The following SLC16A9 variants were observed in gnomAD, a reference collection of about 807,000 sequenced individuals.
SLC16A9 encodes the protein monocarboxylate transporter 9.
SLC16A9 carries 26 observed loss-of-function variants against 44.3 expected under a neutral mutation model. The ratio of observed to expected loss-of-function variants is 0.59; its 90% confidence interval spans 0.43 to 0.81. The LOEUF (loss-of-function observed/expected upper bound fraction) is 0.81. Among genes scored for constraint, SLC16A9 ranks in the 40% least tolerant of loss-of-function variants. The pLI, the probability that SLC16A9 is intolerant of heterozygous loss-of-function variation, is 0.00. For missense variants in SLC16A9, 559 were observed against 595.8 expected, an observed-to-expected ratio of 0.94 and a Z score of 0.64; for synonymous variants, 230 against 225.1, an observed-to-expected ratio of 1.02 and a Z score of -0.19.
intron 1 of SLC16A9, among the ~76,000 whole-genome samples, chr10:59,692,174 G>T (rs907907552): frequency 6.6e-6 from 1 of 152,182 alleles, no homozygotes; most frequent in Non-Finnish European, 1.5e-5. Context: ...AGAATCCTGT[G>T]ACTTTATCTT....
At position 59,651,279 on chromosome 10, in the gene SLC16A9, T is replaced by A. The variant is rs998452244; in HGVS notation, c.*1493A>T. The stretch of plus-strand genomic sequence containing the variant: ...GCAACATACAAGTATAAAATAATCA[T>A]ACAAATTTCAAAATAAATGAAAAGA... On this transcript the variant is annotated 3_prime_UTR_variant, in exon 6 of 6. Coordinates refer to ENST00000395348, the MANE Select transcript of SLC16A9 (RefSeq NM_194298.3). 4 of 152,196 alleles carry A rather than the reference T, an allele frequency of 2.6e-5. No homozygotes were observed. The highest frequency in any genetic ancestry group is 4.4e-5 in the Non-Finnish European group (3 of 68,026). The allele number at this position is 152,196 out of a possible 1,614,324, so 9.4% of individuals were successfully genotyped here. A position where few individuals can be genotyped will look rare whatever the true frequency, so the allele number is the denominator to read the frequency against.
intron 4 of SLC16A9, among the ~76,000 whole-genome samples, chr10:59,655,294 A>C (rs1460204390): frequency 2.0e-5 from 3 of 152,234 alleles, no homozygotes; most frequent in Non-Finnish European, 4.4e-5. Flanking sequence ...GTCTCAAACA[A>C]GCAAACAAAC....
chr10:59,662,355 G>A (rs1839495158), intron 4 of SLC16A9, among the ~76,000 whole-genome samples: 1 of 151,192 alleles, frequency 6.6e-6, no homozygotes, highest in Non-Finnish European at 1.5e-5. Flanking sequence ...GAAGACATCT[G>A]GCCAGGCACA....
chr10:59,693,734 C>A (rs1040460308), intron 1 of SLC16A9, among the ~76,000 whole-genome samples: 1 of 150,984 alleles, frequency 6.6e-6, no homozygotes, highest in African/African-American at 2.4e-5. Flanking sequence ...ATTCTCCTGC[C>A]GCAGCCTCCC....
chr10:59,676,885 T>C (rs1227023164), intron 2 of SLC16A9, among the ~76,000 whole-genome samples: 1 of 146,522 alleles, frequency 6.8e-6, no homozygotes, highest in African/African-American at 2.6e-5. Flanking sequence ...ATCACGCCAC[T>C]GTGCTCCAGC....
intron 1 of SLC16A9, among the ~76,000 whole-genome samples, chr10:59,703,663 C>A (rs1008912270): frequency 6.6e-6 from 1 of 151,838 alleles, no homozygotes; most frequent in African/African-American, 2.4e-5. Context: ...TTTCGTTTGG[C>A]GGACTCAATG....
At position 59,650,952 on chromosome 10, in the gene SLC16A9, G is replaced by A. The variant is rs1255460559; in HGVS notation, c.*1820C>T. On this transcript the variant is annotated 3_prime_UTR_variant, in exon 6 of 6. Transcript: ENST00000395348. ...GTTATTGGGTTTCCTGAACATAACT[G>A]GCAAAAAGGAACTTTCAACACAACA... 2.0e-5 allele frequency: 3 copies of A among 150,378 alleles called. No homozygotes were observed. The highest frequency in any genetic ancestry group is 4.4e-5 in the Non-Finnish European group (3 of 67,832). 9.3% of individuals were successfully genotyped at this position (150,378 alleles called of 1,614,324 possible).
At chr10:59,663,457 C>T (rs533505634) in intron 4 of SLC16A9, among the ~76,000 whole-genome samples, 18 of 152,198 alleles carry the variant, frequency 1.2e-4, no homozygotes, top group Middle Eastern at 3.4e-3. Flanking sequence ...TGTCCTTTGC[C>T]GGGATATGAG....
At chr10:59,698,942 C>T (rs1325301635) in intron 1 of SLC16A9, among the ~76,000 whole-genome samples, 1 of 152,050 alleles carries the variant, frequency 6.6e-6, no homozygotes, top group African/African-American at 2.4e-5. Flanking sequence ...TGGGGTTTCA[C>T]CATGTTAGCC....
chr10:59,695,965 G>A (rs1186313064), intron 1 of SLC16A9, among the ~76,000 whole-genome samples: 2 of 152,166 alleles, frequency 1.3e-5, no homozygotes, highest in Admixed American at 6.5e-5. Flanking sequence ...TAGACAGGAA[G>A]AAGGCACATT....
intron 5 of SLC16A9, among the ~76,000 whole-genome samples, chr10:59,653,420 C>A (rs1839258451): frequency 6.6e-4 from 1 of 1,520 alleles, no homozygotes; most frequent in Non-Finnish European, 0.018. Flanking sequence ...TGCAAAACTC[C>A]GTCTCAAAAA....
At position 59,708,279 on chromosome 10, in the gene SLC16A9, AG is replaced by A. The variant is rs573069385; in HGVS notation, c.-37+1199del. Among the ~76,000 whole-genome samples the A allele has an allele frequency of 1.3e-3, 199 of 152,332 alleles. 2 individuals carry two copies. Among genetic ancestry groups the A allele is most frequent in the Middle Eastern group, 3.4e-3 (1 of 294 alleles). On this transcript the variant is annotated intron_variant, in intron 1 of 5. Transcript: ENST00000395348. ...TCTGCATTTGGTCCAGGAAAGTGGA[AG>A]GGTTTTCCTATTAGAAGTTTTAAAA...
intron 2 of SLC16A9, 48 bp from the exon 3 acceptor site, chr10:59,672,961 T>C: frequency 1.3e-6 from 2 of 1,544,002 alleles, no homozygotes; most frequent in Non-Finnish European, 1.7e-6. Flanking sequence ...GATCCATCCA[T>C]CATAAGTTCA....
intron 3 of SLC16A9, among the ~76,000 whole-genome samples, chr10:59,672,265 T>C (rs1240184221): frequency 6.6e-6 from 1 of 152,158 alleles, no homozygotes; most frequent in Non-Finnish European, 1.5e-5. Context: ...TCATGTCTTA[T>C]CTCTAAAAAA....
chr10:59,697,743 T>A (rs1276973556), intron 1 of SLC16A9, among the ~76,000 whole-genome samples: 7 of 142,380 alleles, frequency 4.9e-5, no homozygotes, highest in Non-Finnish European at 1.1e-4. Context: ...AAAAATAAAA[T>A]AAAAAATAAA....
intron 2 of SLC16A9, among the ~76,000 whole-genome samples, chr10:59,673,738 C>T (rs544064078): frequency 1.1e-4 from 16 of 152,216 alleles, no homozygotes; most frequent in African/African-American, 3.9e-4. Context: ...TTACTAAAGC[C>T]GAACACAGCA....
intron 1 of SLC16A9, among the ~76,000 whole-genome samples, chr10:59,700,890 C>T (rs1442477482): frequency 1.3e-5 from 2 of 152,138 alleles, no homozygotes; most frequent in East Asian, 1.9e-4. Flanking sequence ...CCTTGGCTTT[C>T]GTGAGCCCAC....
At chr10:59,676,744 G>A (rs915423459) in intron 2 of SLC16A9, among the ~76,000 whole-genome samples, 2 of 151,962 alleles carry the variant, frequency 1.3e-5, no homozygotes, top group African/African-American at 2.4e-5. Flanking sequence ...CCAACATGGC[G>A]AAACCCTGCC....
At chr10:59,697,369 T>C (rs987442797) in intron 1 of SLC16A9, among the ~76,000 whole-genome samples, 54 of 150,820 alleles carry the variant, frequency 3.6e-4, no homozygotes, top group African/African-American at 1.3e-3. Flanking sequence ...TGGGAGACTT[T>C]TCATTTTGTT....
Sources: allele counts gnomAD v4.1 joint callset (sites outside exome capture counted in the v4.1 genomes callset), GRCh38; gene constraint gnomAD v4.1.1; transcripts MANE v1.5; gene names NCBI Gene and HGNC (gene_info 2026-07-23, HGNC 2026-07-21).